Variants in TMEM200A observed in about 807,000 individuals in gnomAD.
TMEM200A encodes two transmembrane C.
A neutral mutation model predicts 24.3 loss-of-function variants in TMEM200A; 12 were observed. The ratio of observed to expected loss-of-function variants is 0.49; its 90% CI spans 0.32 to 0.80. The LOEUF is 0.80. Among genes scored for constraint, TMEM200A ranks in the 30% least tolerant of loss-of-function variants. The pLI is 0.04. For missense variants in TMEM200A, 545 were observed against 614.4 expected (o/e 0.89, Z 1.19); for synonymous variants, 224 against 224.4 (o/e 1.00, Z 0.02).
intron 2 of TMEM200A, among the ~76,000 whole-genome samples, chr6:130,390,356 G>A (rs988037492): frequency 1.3e-5 from 2 of 152,176 alleles, no homozygotes; most frequent in South Asian, 4.1e-4. Context: ...GTTGTGTTTT[G>A]GTGAAATGAC....
At chr6:130,429,940 C>T (rs1779836533) in intron 2 of TMEM200A, among the ~76,000 whole-genome samples, 1 of 152,084 alleles carries the variant, frequency 6.6e-6, no homozygotes, top group African/African-American at 2.4e-5. Flanking sequence ...CTGGATATAG[C>T]TATAAGAAAT....
At chr6:130,406,410 T>G (rs150855211) in intron 2 of TMEM200A, among the ~76,000 whole-genome samples, 144 of 152,296 alleles carry the variant, frequency 9.5e-4, no homozygotes, top group African/African-American at 3.2e-3. Flanking sequence ...CATTTCTTTA[T>G]AGTTTAGTCA....
intron 2 of TMEM200A, among the ~76,000 whole-genome samples, chr6:130,409,857 AAAAC>A (rs1190892725): frequency 6.6e-6 from 1 of 151,736 alleles, no homozygotes; most frequent in East Asian, 1.9e-4. Flanking sequence ...TTTTTTAATG[AAAAC>A]TCACTGTTTA....
chr6:130,366,349 T>C lies in TMEM200A; in HGVS notation c.-256T>C, dbSNP rs112147342. ...CGCGGTGGCCGCCCGAGCCCTGGGA[T>C]GGGGAGGGAGACCGCGGCTGCCCGC... On this transcript the variant is annotated 5_prime_UTR_variant, in exon 1 of 3. An upstream start codon of the reference 5' UTR is lost. Transcript: ENST00000296978. The surrounding 1 kb of genome is among the most constrained non-coding windows in gnomAD (Gnocchi z 4.4). 1 of 981,426 alleles carries C rather than the reference T, an allele frequency of 1.0e-6. No homozygotes were observed. Among genetic ancestry groups the C allele is most frequent in the African/African-American group, 1.8e-5 (1 of 55,610 alleles). The allele number at this position is 981,426 out of a possible 1,614,324, so 60.8% of individuals were successfully genotyped here.
intron 2 of TMEM200A, among the ~76,000 whole-genome samples, chr6:130,433,897 T>C (rs953764780): frequency 2.0e-5 from 3 of 152,222 alleles, no homozygotes; most frequent in Admixed American, 1.3e-4. Context: ...TTAGAATCTA[T>C]CTGCATGGCA....
intron 2 of TMEM200A, among the ~76,000 whole-genome samples, chr6:130,417,356 A>C (rs1404302990): frequency 6.6e-6 from 1 of 152,212 alleles, no homozygotes; most frequent in Non-Finnish European, 1.5e-5. Context: ...AAATTATGAA[A>C]ATTTGAGCAC....
At chr6:130,399,139 A>G (rs1460983334) in intron 2 of TMEM200A, among the ~76,000 whole-genome samples, 1 of 152,076 alleles carries the variant, frequency 6.6e-6, no homozygotes, top group African/African-American at 2.4e-5. Context: ...ACAATTTCTT[A>G]TAGAAAGTCT....
At chr6:130,419,799 A>G (rs1308982294) in intron 2 of TMEM200A, among the ~76,000 whole-genome samples, 4 of 152,210 alleles carry the variant, frequency 2.6e-5, no homozygotes, top group Non-Finnish European at 5.9e-5. Flanking sequence ...TCTTGCTCCT[A>G]TAACAAAATA....
At chr6:130,399,281 GTA>G (rs1345594539) in intron 2 of TMEM200A, among the ~76,000 whole-genome samples, 1 of 151,962 alleles carries the variant, frequency 6.6e-6, no homozygotes, top group Non-Finnish European at 1.5e-5. Context: ...TCAGAACTTA[GTA>G]TATTTCTTCA....
chr6:130,380,201 A>G (rs995403116), intron 1 of TMEM200A, among the ~76,000 whole-genome samples: 4 of 152,228 alleles, frequency 2.6e-5, no homozygotes, highest in East Asian at 1.9e-4. Context: ...CAGAATAGAC[A>G]TAGTCGTACC....
At chr6:130,381,582 T>C (rs1324444273) in intron 1 of TMEM200A, among the ~76,000 whole-genome samples, 1 of 152,202 alleles carries the variant, frequency 6.6e-6, no homozygotes, top group African/African-American at 2.4e-5. Context: ...TTCCTCCCAG[T>C]ACAACAATCA....
At chr6:130,376,179 T>C (rs1003395452) in intron 1 of TMEM200A, among the ~76,000 whole-genome samples, 74 of 152,190 alleles carry the variant, frequency 4.9e-4, no homozygotes, top group African/African-American at 1.8e-3. Context: ...TGGAATATTC[T>C]ACTTGTAAGA....
At chr6:130,382,099 T>G (rs977850063) in intron 1 of TMEM200A, 29 of 392,640 alleles carry the variant, frequency 7.4e-5, no homozygotes, top group Admixed American at 6.4e-5. Context: ...AATTTGAAAA[T>G]CACAGGAGGA....
intron 2 of TMEM200A, among the ~76,000 whole-genome samples, chr6:130,428,413 T>A (rs979657539): frequency 3.3e-5 from 5 of 152,170 alleles, no homozygotes; most frequent in Non-Finnish European, 5.9e-5. Flanking sequence ...CTTTTCCTTT[T>A]TTCTTTATCC....
At chr6:130,423,023 T>C (rs894351220) in intron 2 of TMEM200A, among the ~76,000 whole-genome samples, 1 of 152,204 alleles carries the variant, frequency 6.6e-6, no homozygotes, top group Non-Finnish European at 1.5e-5. Flanking sequence ...AACAAAGTAA[T>C]TTGACTTTTT....
At chr6:130,374,119 T>C (rs551275616) in intron 1 of TMEM200A, among the ~76,000 whole-genome samples, 6 of 152,238 alleles carry the variant, frequency 3.9e-5, no homozygotes, top group Non-Finnish European at 8.8e-5. Flanking sequence ...CATATCCTGT[T>C]TGGGGACTCT....
intron 2 of TMEM200A, among the ~76,000 whole-genome samples, chr6:130,390,805 C>G (rs930163259): frequency 1.3e-5 from 2 of 152,178 alleles, no homozygotes; most frequent in Non-Finnish European, 2.9e-5. Flanking sequence ...TTTGAATCTC[C>G]CAGGCACCTT....
intron 2 of TMEM200A, among the ~76,000 whole-genome samples, chr6:130,404,676 T>C (rs1429630995): frequency 6.6e-6 from 1 of 152,240 alleles, no homozygotes; most frequent in Non-Finnish European, 1.5e-5. Flanking sequence ...TTTGGTTAAA[T>C]TAAATACCAT....
intron 2 of TMEM200A, among the ~76,000 whole-genome samples, chr6:130,414,571 A>G (rs1033870454): frequency 2.0e-5 from 3 of 152,184 alleles, no homozygotes; most frequent in African/African-American, 7.2e-5. Context: ...GACTCATTCT[A>G]GTAAAGATGA....
Sources: allele counts gnomAD v4.1 joint callset (sites outside exome capture counted in the v4.1 genomes callset), GRCh38; gene constraint gnomAD v4.1.1; non-coding constraint Gnocchi (gnomAD v3.1); transcripts MANE v1.5; gene names NCBI Gene and HGNC (gene_info 2026-07-23, HGNC 2026-07-21).